COL24A1: variants seen among roughly 807,000 people sequenced by gnomAD.
COL24A1 encodes collagen type XXIV alpha 1 chain.
A neutral mutation model predicts 253.9 loss-of-function variants in COL24A1; 224 were observed. The ratio of observed to expected loss-of-function variants is 0.88; its 90% confidence interval spans 0.79 to 0.99. The LOEUF is 0.99. COL24A1 is among the 50% of genes least tolerant of loss of function. The pLI is 0.00. For missense variants in COL24A1, 2,131 were observed against 2,068.5 expected, an observed-to-expected ratio of 1.03 and a Z score of -0.59; for synonymous variants, 685 against 673.7, an observed-to-expected ratio of 1.02 and a Z score of -0.26.
At chr1:86,105,395 G>A (rs1481863316) in intron 5 of COL24A1, among the ~76,000 whole-genome samples, 1 of 152,300 alleles carries the variant, frequency 6.6e-6, no homozygotes, top group East Asian at 1.9e-4. Context: ...TGTCCAGAGG[G>A]CCGCTCTGCT....
intron 43 of COL24A1, among the ~76,000 whole-genome samples, chr1:85,835,839 G>A (rs975031058): frequency 6.6e-6 from 1 of 152,110 alleles, no homozygotes; most frequent in African/African-American, 2.4e-5. Context: ...ACATGATGGC[G>A]TTCAAGACAC....
intron 8 of COL24A1, among the ~76,000 whole-genome samples, chr1:86,059,484 C>T (rs530052935): frequency 6.6e-6 from 1 of 151,962 alleles, no homozygotes; most frequent in Non-Finnish European, 1.5e-5. Context: ...TTACCAGTAA[C>T]TTTTTTACCA....
intron 47 of COL24A1, among the ~76,000 whole-genome samples, chr1:85,815,894 G>C (rs1673000931): frequency 6.6e-6 from 1 of 152,140 alleles, no homozygotes; most frequent in Admixed American, 6.5e-5. Flanking sequence ...CGGGAAAATG[G>C]TTAAGCAAAG....
At chr1:86,018,786 G>A (rs1697228363) in intron 18 of COL24A1, among the ~76,000 whole-genome samples, 1 of 152,080 alleles carries the variant, frequency 6.6e-6, no homozygotes. Flanking sequence ...CTAAAAAATG[G>A]ATAGGGCATA....
intron 7 of COL24A1, among the ~76,000 whole-genome samples, chr1:86,071,886 C>T (rs1039917514): frequency 1.3e-5 from 2 of 152,062 alleles, no homozygotes. Flanking sequence ...GGGGTGTTGC[C>T]TCACCCAGGA....
intron 18 of COL24A1, among the ~76,000 whole-genome samples, chr1:86,019,208 T>C (rs1434309916): frequency 1.3e-5 from 2 of 152,170 alleles, no homozygotes; most frequent in Non-Finnish European, 1.5e-5. Context: ...CAAACAAGTG[T>C]CTCCTTCTAT....
intron 14 of COL24A1, among the ~76,000 whole-genome samples, chr1:86,028,841 CAT>C (rs1698288368): frequency 1.3e-5 from 2 of 152,280 alleles, no homozygotes; most frequent in South Asian, 4.1e-4. Flanking sequence ...GGTAGACAAA[CAT>C]GTGCAAAACC....
intron 23 of COL24A1, among the ~76,000 whole-genome samples, chr1:85,964,361 G>A (rs528040542): frequency 1.3e-5 from 2 of 152,104 alleles, no homozygotes; most frequent in South Asian, 4.1e-4. Flanking sequence ...AAGTGATGAA[G>A]GTTACCCAGT....
intron 50 of COL24A1, 36 bp downstream of exon 50, chr1:85,784,077 A>C: frequency 6.7e-7 from 1 of 1,499,916 alleles, no homozygotes; most frequent in East Asian, 2.3e-5. Flanking sequence ...TTATTTCTAG[A>C]TAGCTAGAAG....
rs1020596081 is a variant in COL24A1 at position 85,730,617 on chromosome 1, C to T, written c.5074G>A (p.Val1692Ile). 1 of 1,613,970 alleles carries T rather than the reference C, an allele frequency of 6.2e-7. No homozygotes were observed. Residue 1692 changes from valine (V) to isoleucine (I), a missense_variant, in exon 60 of 60, where the codon GTA (valine) becomes ATA (isoleucine). By Grantham distance (29) the Val-to-Ile change is conservative (BLOSUM62 3). Transcript: ENST00000370571. ...QEPNQLPVIE[V>I]QKLPHLKTER... ...GTTTTGAGATGAGGAAGTTTTTGTACTTCAATCACTGGAAGTTGATTAGGT... is the reference window on the plus strand; with the variant it reads ...GTTTTGAGATGAGGAAGTTTTTGTATTTCAATCACTGGAAGTTGATTAGGT...
chr1:85,972,780 A>T (rs1692302416), intron 20 of COL24A1, among the ~76,000 whole-genome samples: 2 of 152,204 alleles, frequency 1.3e-5, no homozygotes, highest in South Asian at 4.1e-4. Context: ...ATTCAGCCCA[A>T]CTGAAGCACG....
intron 47 of COL24A1, 115 bp from the exon 48 acceptor site, chr1:85,786,576 C>G: frequency 1.4e-6 from 1 of 700,916 alleles, no homozygotes; most frequent in Non-Finnish European, 2.2e-6. Context: ...ACATACTGCC[C>G]AGGAGTTATC....
Position 86,125,020 on chromosome 1 carries a change from G to C in COL24A1, c.1316C>G (p.Pro439Arg), listed in dbSNP as rs369567851. 1 of 1,613,058 alleles carries C rather than the reference G, an allele frequency of 6.2e-7. No individual in the cohort carries two copies. Among genetic ancestry groups the C allele is most frequent in the African/African-American group, 1.3e-5 (1 of 74,942 alleles). ...TAGATCAAGGTGATTATCCACAGAT[G>C]GCTCATTTGTCACTCTATGCAAGCT... Reference protein sequence around the residue: ...NTSLHRVTNEPSVDNHLDLRK... With the variant: ...NTSLHRVTNERSVDNHLDLRK... Residue 439 changes from proline (P) to arginine (R), a missense_variant, in exon 3 of 60, where the codon CCA becomes CGA. Pro to Arg is a moderately radical substitution (Grantham distance 103). Transcript: ENST00000370571.
At chr1:86,083,072 C>T (rs991597960) in intron 7 of COL24A1, among the ~76,000 whole-genome samples, 9 of 151,824 alleles carry the variant, frequency 5.9e-5, no homozygotes, top group Non-Finnish European at 1.5e-5. Context: ...CCGAGGCGGG[C>T]GAATCATGAG....
chr1:85,768,901 A>G (rs946608696), intron 53 of COL24A1, among the ~76,000 whole-genome samples: 2 of 152,188 alleles, frequency 1.3e-5, no homozygotes, highest in African/African-American at 4.8e-5. Flanking sequence ...ACTGGGTACT[A>G]GGTGGTAACA....
At chr1:85,877,298 AT>A in intron 32 of COL24A1, 123 bp from the exon 33 acceptor site, 1 of 610,050 alleles carries the variant, frequency 1.6e-6, no homozygotes, top group Non-Finnish European at 2.7e-6. Context: ...TACATAATAC[AT>A]TTATCAGCAT....
intron 7 of COL24A1, among the ~76,000 whole-genome samples, chr1:86,070,154 A>G (rs1053815969): frequency 2.6e-5 from 4 of 152,266 alleles, no homozygotes; most frequent in Non-Finnish European, 4.4e-5. Context: ...AGACTCAAGC[A>G]GAAATTCCAC....
Position 85,816,866 on chromosome 1 carries a change from G to C in COL24A1, c.3873C>G (p.Gly1291=), listed in dbSNP as rs770043801. ...CATCTGCTCCATGGTATCCTTGTAT[G>C]CCTTTTGGCCCAAGTAGGCCTTGAA... ...PGLQGLLGPK[G]IQGYHGADGI... Residue 1291 remains glycine (G), a synonymous_variant, in exon 47 of 60, where the codon GGC becomes GGG. Transcript: ENST00000370571. 1.2e-6 allele frequency: 2 copies of C among 1,613,840 alleles called. No homozygotes were observed. Among genetic ancestry groups the C allele is most frequent in the Non-Finnish European group, 1.7e-6 (2 of 1,179,892 alleles).
chr1:85,734,183 A>T (rs1482478450), intron 59 of COL24A1, among the ~76,000 whole-genome samples: 1 of 151,804 alleles, frequency 6.6e-6, no homozygotes, highest in Non-Finnish European at 1.5e-5. Context: ...GATTACAGGC[A>T]TGAGCCACCA....
Sources: gnomAD v4.1 joint callset for allele counts (sites outside exome capture counted in the v4.1 genomes callset) on GRCh38, gnomAD v4.1.1 for gene constraint, MANE v1.5 for transcripts, NCBI Gene and HGNC (gene_info 2026-07-23, HGNC 2026-07-21) for gene names.